The following MTRF1 variants were observed in gnomAD, a reference collection of about 807,000 sequenced individuals.
MTRF1 encodes peptide chain release factor 1, mitochondrial.
A neutral mutation model predicts 62.9 loss-of-function variants in MTRF1; 51 were observed. The observed-to-expected ratio is 0.81, with a 90% CI of 0.65 to 1.02. The LOEUF is 1.02. Ranked by LOEUF, MTRF1 falls within the 50% of genes least tolerant of loss-of-function variation. MTRF1 has a pLI of 0.00. For missense variants in MTRF1, 446 were observed against 530.0 expected, an observed-to-expected ratio of 0.84 and a Z score of 1.56; for synonymous variants, 158 against 181.9, an observed-to-expected ratio of 0.87 and a Z score of 1.06.
intron 1 of MTRF1, among the ~76,000 whole-genome samples, chr13:41,262,934 TAGTC>T (rs1274846953): frequency 2.6e-5 from 4 of 152,212 alleles, no homozygotes; most frequent in Non-Finnish European, 5.9e-5. Context: ...GGAAATAAAA[TAGTC>T]AGAATGGTCT....
At chr13:41,271,477 G>A in the MTRF1 span, among the ~76,000 whole-genome samples, 1 of 152,096 alleles carries the variant, frequency 6.6e-6, no homozygotes, top group African/African-American at 2.4e-5. Flanking sequence ...TAGGGTTTTT[G>A]TGTAGTGGAT....
chr13:41,228,592 A>G (rs911578917), intron 7 of MTRF1, among the ~76,000 whole-genome samples: 1 of 151,934 alleles, frequency 6.6e-6, no homozygotes, highest in Non-Finnish European at 1.5e-5. Context: ...AAAGAAAAAC[A>G]AAGAATTACA....
chr13:41,264,486 T>C (rs2040772859), upstream of MTRF1, among the ~76,000 whole-genome samples: 1 of 152,248 alleles, frequency 6.6e-6, no homozygotes, highest in Non-Finnish European at 1.5e-5. Flanking sequence ...TCAATTTTTC[T>C]TCCTGAAAGA....
At chr13:41,224,588 T>G (rs1446848493) in intron 8 of MTRF1, among the ~76,000 whole-genome samples, 1 of 152,150 alleles carries the variant, frequency 6.6e-6, no homozygotes, top group Non-Finnish European at 1.5e-5. Context: ...GAAACCACTG[T>G]CCCAAAGCAC....
chr13:41,243,174 G>A (rs1045901007), intron 5 of MTRF1, among the ~76,000 whole-genome samples: 6 of 151,960 alleles, frequency 3.9e-5, no homozygotes, highest in Admixed American at 2.0e-4. Context: ...AGCCAAGATC[G>A]TGCCACTGCA....
chr13:41,269,199 G>GTTTTTTTTTTTTTTTTTTTTTTTTGTT, the MTRF1 span, among the ~76,000 whole-genome samples: 3 of 68,704 alleles, frequency 4.4e-5, no homozygotes, highest in Non-Finnish European at 8.6e-5. Flanking sequence ...TTTTTTTTTG[G>GTTTTTTTTTTTTTTTTTTTTTTTTGTT]TTTTTTTTTT....
chr13:41,220,480 A>T (rs1371635202), intron 9 of MTRF1: 2 of 806,216 alleles, frequency 2.5e-6, no homozygotes, highest in Non-Finnish European at 3.6e-6. Context: ...ATGTGAAACA[A>T]TACATTATAT....
At chr13:41,297,949 A>C in the MTRF1 span, among the ~76,000 whole-genome samples, 11 of 152,228 alleles carry the variant, frequency 7.2e-5, no homozygotes, top group African/African-American at 2.7e-4. Context: ...GCAATTTATA[A>C]ATTAATAGAA....
At chr13:41,220,661 G>A (rs1428204178) in intron 9 of MTRF1, 14 of 1,146,276 alleles carry the variant, frequency 1.2e-5, no homozygotes, top group Non-Finnish European at 1.4e-5. Context: ...ATAAATAAAT[G>A]TAGGGACTCA....
intron 9 of MTRF1, among the ~76,000 whole-genome samples, chr13:41,221,830 T>C (rs17593586): frequency 1.3e-5 from 2 of 151,680 alleles, no homozygotes; most frequent in Non-Finnish European, 2.9e-5. Flanking sequence ...TTGTCACTAC[T>C]AGAAAAACAA....
the MTRF1 span, among the ~76,000 whole-genome samples, chr13:41,300,586 A>C: frequency 7.4e-6 from 1 of 134,538 alleles, no homozygotes; most frequent in Non-Finnish European, 1.6e-5. Flanking sequence ...ACTCCGTCTC[A>C]AAAAAAAAAA....
intron 1 of MTRF1, 95 bp downstream of exon 1, chr13:41,263,390 G>A (rs145794893): frequency 3.4e-4 from 293 of 872,886 alleles, no homozygotes; most frequent in Non-Finnish European, 4.6e-4. Flanking sequence ...GCAGCAGCAC[G>A]GGCAAACCAT....
At chr13:41,311,409 C>T in the MTRF1 span, 1 of 945,624 alleles carries the variant, frequency 1.1e-6, no homozygotes, top group African/African-American at 1.7e-5. Context: ...GACCAATGAA[C>T]TAATCCATCG....
At chr13:41,230,690 G>A (rs1243787708) in intron 7 of MTRF1, among the ~76,000 whole-genome samples, 1 of 150,304 alleles carries the variant, frequency 6.7e-6, no homozygotes, top group Non-Finnish European at 1.5e-5. Flanking sequence ...AACAATACAA[G>A]CAATCATAAT....
intron 2 of MTRF1, among the ~76,000 whole-genome samples, chr13:41,256,328 ATT>A (rs34937829): frequency 0.049 from 6,995 of 142,262 alleles, 216 homozygotes; most frequent in Middle Eastern, 0.095. Context: ...CTGTTGTAGA[ATT>A]TTTTTTTTTT....
chr13:41,287,833 G>C, the MTRF1 span: 4 of 296,226 alleles, frequency 1.4e-5, no homozygotes, highest in East Asian at 2.8e-4. Context: ...TTGAACCCTC[G>C]CTATGTGAGA....
At chr13:41,273,830 T>A in the MTRF1 span, among the ~76,000 whole-genome samples, 1 of 152,048 alleles carries the variant, frequency 6.6e-6, no homozygotes, top group Non-Finnish European at 1.5e-5. Context: ...AGAGTGAAAC[T>A]CCGTCTCAAC....
the MTRF1 span, among the ~76,000 whole-genome samples, chr13:41,294,535 T>C: frequency 3.9e-5 from 6 of 152,040 alleles, no homozygotes; most frequent in African/African-American, 7.2e-5. Flanking sequence ...ATAGAACAGA[T>C]AGGAAAGAAC....
At chr13:41,309,394 GC>G in the MTRF1 span, among the ~76,000 whole-genome samples, 1 of 148,344 alleles carries the variant, frequency 6.7e-6, no homozygotes, top group East Asian at 2.0e-4. Flanking sequence ...TTGCCATGTT[GC>G]CCCGGCTGGT....
Sources: gnomAD v4.1 joint callset for allele counts (sites outside exome capture counted in the v4.1 genomes callset) on GRCh38, gnomAD v4.1.1 for gene constraint, MANE v1.5 for transcripts, NCBI Gene and HGNC (gene_info 2026-07-23, HGNC 2026-07-21) for gene names.